The following AIG1 variants were observed in gnomAD, a reference collection of about 807,000 sequenced individuals.
The protein encoded by AIG1 is androgen-induced gene 1 protein.
A neutral mutation model predicts 31.4 loss-of-function variants in AIG1; 23 were observed. The observed-to-expected ratio is 0.73, with a 90% CI of 0.53 to 1.04. The LOEUF (loss-of-function observed/expected upper bound fraction) is 1.04, where lower values mean the gene tolerates loss of function less well. Ranked by LOEUF, AIG1 falls within the 50% of genes least tolerant of loss-of-function variation. AIG1 has a pLI of 0.00. For missense variants in AIG1, 274 were observed against 295.0 expected (o/e 0.93, Z 0.52); for synonymous variants, 100 against 110.5 (o/e 0.90, Z 0.60).
chr6:143,200,591 T>C (rs1366718408), intron 3 of AIG1, among the ~76,000 whole-genome samples: 1 of 152,218 alleles, frequency 6.6e-6, no homozygotes, highest in Non-Finnish European at 1.5e-5. Context: ...CACGCCACTG[T>C]AACTGTTAGT....
intron 1 of AIG1, among the ~76,000 whole-genome samples, chr6:143,113,672 G>A (rs1055090434): frequency 2.6e-5 from 4 of 151,960 alleles, no homozygotes; most frequent in East Asian, 1.9e-4. Flanking sequence ...TGTCCCTTAC[G>A]CTATGAAACT....
intron 2 of AIG1, among the ~76,000 whole-genome samples, chr6:143,150,831 C>A (rs1332601790): frequency 6.6e-6 from 1 of 152,198 alleles, no homozygotes; most frequent in Admixed American, 6.5e-5. Flanking sequence ...AATCTTGGCA[C>A]CTTCCTCAAC....
At chr6:143,196,388 CACACACA>C (rs1562481166) in intron 3 of AIG1, among the ~76,000 whole-genome samples, 4 of 150,920 alleles carry the variant, frequency 2.7e-5, no homozygotes, top group African/African-American at 4.9e-5. Context: ...CACACACACA[CACACACA>C]CCCCAATTTG....
chr6:143,286,187 T>C (rs1797670045), intron 4 of AIG1, among the ~76,000 whole-genome samples: 2 of 152,174 alleles, frequency 1.3e-5, no homozygotes, highest in Non-Finnish European at 2.9e-5. Flanking sequence ...ACTATGTACT[T>C]TCTGATGGCC....
At chr6:143,122,942 C>T (rs965142552) in intron 1 of AIG1, among the ~76,000 whole-genome samples, 23 of 152,122 alleles carry the variant, frequency 1.5e-4, no homozygotes, top group African/African-American at 5.3e-4. Context: ...TCTAATTATT[C>T]ATCTCCTGAT....
At chr6:143,116,589 C>T (rs1781757826) in intron 1 of AIG1, among the ~76,000 whole-genome samples, 1 of 151,038 alleles carries the variant, frequency 6.6e-6, no homozygotes, top group Admixed American at 6.6e-5. Context: ...GGCATGTTTA[C>T]AGAGAGTGGC....
At chr6:143,132,796 G>A (rs1783369316) in intron 1 of AIG1, among the ~76,000 whole-genome samples, 1 of 151,536 alleles carries the variant, frequency 6.6e-6, no homozygotes, top group Non-Finnish European at 1.5e-5. Context: ...ATGTATTCAT[G>A]TTTTCTATGT....
chr6:143,245,514 T>C (rs1324211695), intron 3 of AIG1, among the ~76,000 whole-genome samples: 1 of 152,194 alleles, frequency 6.6e-6, no homozygotes, highest in Non-Finnish European at 1.5e-5. Flanking sequence ...ATTCATTTCA[T>C]ATGTCAGTAC....
At chr6:143,171,790 A>G (rs1787669804) in intron 3 of AIG1, among the ~76,000 whole-genome samples, 1 of 151,160 alleles carries the variant, frequency 6.6e-6, no homozygotes, top group African/African-American at 2.4e-5. Context: ...AGTTTACATT[A>G]CCACCAACAG....
Position 143,284,063 on chromosome 6 carries a change from G to A in AIG1, c.400-47G>A. ...CTACTGGTGAAAAAACAACTATAGA[G>A]AGACAATGATAGCAATCTGTGTCAC... On this transcript the variant is annotated intron_variant, in intron 3 of 5. Transcript: ENST00000357847. The surrounding 1 kb of genome is among the most constrained non-coding windows in gnomAD (Gnocchi z 4.4). 1.4e-6 allele frequency: 2 copies of A among 1,427,678 alleles called. No homozygotes were observed. The highest frequency in any genetic ancestry group is 2.3e-5 in the South Asian group (2 of 85,742). 88.4% of individuals were successfully genotyped at this position (1,427,678 alleles called of 1,614,324 possible).
intron 4 of AIG1, among the ~76,000 whole-genome samples, chr6:143,303,827 T>C (rs1384825001): frequency 1.4e-5 from 2 of 146,774 alleles, no homozygotes; most frequent in Non-Finnish European, 3.0e-5. Flanking sequence ...AGTATGGCCA[T>C]TTTCACGATA....
At chr6:143,162,229 G>C (rs1786449500) in intron 2 of AIG1, among the ~76,000 whole-genome samples, 1 of 152,182 alleles carries the variant, frequency 6.6e-6, no homozygotes, top group Non-Finnish European at 1.5e-5. Flanking sequence ...TGCAGTATCT[G>C]TGCATTGAAA....
At chr6:143,149,799 A>T (rs567723072) in intron 2 of AIG1, among the ~76,000 whole-genome samples, 22 of 152,326 alleles carry the variant, frequency 1.4e-4, no homozygotes, top group Admixed American at 5.2e-4. Context: ...TTGCATGCAG[A>T]TTTAAGCTAC....
At chr6:143,277,410 C>T (rs1797016587) in intron 3 of AIG1, among the ~76,000 whole-genome samples, 1 of 152,152 alleles carries the variant, frequency 6.6e-6, no homozygotes, top group Non-Finnish European at 1.5e-5. Flanking sequence ...GCTGGCCCTG[C>T]CTGCAGTCCA....
intron 3 of AIG1, among the ~76,000 whole-genome samples, chr6:143,269,365 C>T (rs565506370): frequency 7.9e-5 from 12 of 152,304 alleles, no homozygotes; most frequent in African/African-American, 1.9e-4. Context: ...ACACTGCTGA[C>T]GGGAGGGTCT....
chr6:143,277,072 A>T (rs553952580), intron 3 of AIG1, among the ~76,000 whole-genome samples: 7 of 152,010 alleles, frequency 4.6e-5, no homozygotes, highest in Admixed American at 4.6e-4. Context: ...GAGATTGGTG[A>T]TTTTTCTCAG....
intron 1 of AIG1, 51 bp downstream of exon 1, chr6:143,061,117 C>CGTGTGTGT (rs138059311): frequency 7.2e-5 from 101 of 1,410,422 alleles, no homozygotes; most frequent in African/African-American, 6.7e-4. Context: ...CCTGTGTGTG[C>CGTGTGTGT]GTGTGTGTGT....
intron 4 of AIG1, among the ~76,000 whole-genome samples, chr6:143,290,871 C>T (rs1331591019): frequency 4.6e-5 from 7 of 152,036 alleles, no homozygotes; most frequent in African/African-American, 1.7e-4. Flanking sequence ...AAGAGACAGC[C>T]GAAGGACTCT....
In AIG1 at chr6:143,225,463, GCTTTATCTTTAAGTAAGCAAAA is replaced by G. The variant is rs760466745; in HGVS notation, c.400-58643_400-58622del. ...CCTTCAATAATTAAATACTGCCATT[GCTTTATCTTTAAGTAAGCAAAA>G]CTTCGTAAAACATAAGGCAGGTATT... On this transcript the variant is annotated intron_variant, in intron 3 of 5. Coordinates refer to ENST00000357847, the MANE Select transcript of AIG1 (RefSeq NM_016108.4). Among the ~76,000 whole-genome samples, 426 of 152,282 alleles carry G rather than the reference GCTTTATCTTTAAGTAAGCAAAA, an allele frequency of 2.8e-3. 1 individual carries two copies. The highest frequency in any genetic ancestry group is 5.2e-3 in the Non-Finnish European group (351 of 68,024).
Sources: allele counts gnomAD v4.1 joint callset (sites outside exome capture counted in the v4.1 genomes callset), GRCh38; gene constraint gnomAD v4.1.1; non-coding constraint Gnocchi (gnomAD v3.1); transcripts MANE v1.5; gene names NCBI Gene and HGNC (gene_info 2026-07-23, HGNC 2026-07-21).